The following PPP4R4 variants were observed in gnomAD, a reference collection of about 807,000 sequenced individuals.
PPP4R4 encodes the protein protein phosphatase 4 regulatory subunit 4.
Under a neutral mutation model 121.8 loss-of-function variants are expected in PPP4R4, and 70 were observed. That is an observed-to-expected ratio of 0.57 (90% confidence interval 0.47 to 0.70). The LOEUF (loss-of-function observed/expected upper bound fraction) is 0.70, where lower values mean the gene tolerates loss of function less well. PPP4R4 is among the 30% of genes least tolerant of loss of function. The pLI, the probability that PPP4R4 is intolerant of heterozygous loss-of-function variation, is 0.00. For missense variants in PPP4R4, 875 were observed against 1,033.6 expected (o/e 0.85, Z 2.10); for synonymous variants, 348 against 355.7 (o/e 0.98, Z 0.24).
At chr14:94,211,804 A>G (rs557872466) in intron 3 of PPP4R4, among the ~76,000 whole-genome samples, 2 of 152,168 alleles carry the variant, frequency 1.3e-5, no homozygotes, top group Non-Finnish European at 2.9e-5. Context: ...TCTGAGATAC[A>G]TGGGTTAAGG....
At chr14:94,235,963 T>A (rs375730511) in intron 7 of PPP4R4, among the ~76,000 whole-genome samples, 3 of 152,328 alleles carry the variant, frequency 2.0e-5, no homozygotes, top group African/African-American at 7.2e-5. Flanking sequence ...CAGATTGTGG[T>A]CATTGGTACC....
intron 3 of PPP4R4, among the ~76,000 whole-genome samples, chr14:94,224,860 T>C (rs1159859821): frequency 1.3e-5 from 2 of 152,150 alleles, no homozygotes; most frequent in Non-Finnish European, 2.9e-5. Flanking sequence ...AGAACTGCTA[T>C]TGGAAACATA....
intron 3 of PPP4R4, among the ~76,000 whole-genome samples, chr14:94,213,700 A>G (rs940231549): frequency 6.6e-6 from 1 of 152,214 alleles, no homozygotes; most frequent in African/African-American, 2.4e-5. Context: ...CCACAAGCCA[A>G]GGAATGATAG....
Position 94,199,791 on chromosome 14 carries a change from T to C in PPP4R4, c.192-8673T>C, listed in dbSNP as rs1245956318. ...GCCAGTGCCTGTTATTGTGCTCTTA[T>C]GCGGATGCGCTCCTCTTGACGGCCT... On this transcript the variant is annotated intron_variant, in intron 2 of 24. Transcript: ENST00000304338. Among the ~76,000 whole-genome samples, 4 of 152,228 alleles carry C rather than the reference T, an allele frequency of 2.6e-5. No homozygotes were observed. The East Asian group carries it at 5.8e-4, about 22-fold the overall frequency.
At position 94,243,975 on chromosome 14, in the gene PPP4R4, A is replaced by ATT. The variant is rs5810664; in HGVS notation, c.1267-651_1267-650dup. Among the ~76,000 whole-genome samples the ATT allele has an allele frequency of 2.2e-4, 33 of 149,636 alleles. No individual in the cohort carries two copies. The East Asian group carries it at 3.5e-3, about 16-fold the overall frequency. Reference sequence around the variant, plus strand: ...AAAACACTTTCTTTATCCAGGGACCATTTTTTTTTTCAAATAAAACTTTAT... The same window carrying ATT: ...AAAACACTTTCTTTATCCAGGGACCATTTTTTTTTTTTCAAATAAAACTTTAT... On this transcript the variant is annotated intron_variant, in intron 11 of 24. Coordinates refer to ENST00000304338, the MANE Select transcript of PPP4R4 (RefSeq NM_058237.2).
intron 2 of PPP4R4, among the ~76,000 whole-genome samples, chr14:94,191,210 T>C (rs557049067): frequency 6.6e-6 from 1 of 152,286 alleles, no homozygotes; most frequent in Non-Finnish European, 1.5e-5. Context: ...TGAAATGTGC[T>C]GTGGGGTGTG....
At chr14:94,190,620 T>A (rs1051305712) in intron 2 of PPP4R4, among the ~76,000 whole-genome samples, 2 of 151,944 alleles carry the variant, frequency 1.3e-5, no homozygotes, top group Non-Finnish European at 2.9e-5. Context: ...AATAAATAAA[T>A]AAATAAAATA....
chr14:94,254,227 T>C (rs1314666651), intron 16 of PPP4R4, among the ~76,000 whole-genome samples: 1 of 152,204 alleles, frequency 6.6e-6, no homozygotes, highest in Non-Finnish European at 1.5e-5. Context: ...ATCTGTTTTC[T>C]AGACATGCCT....
chr14:94,229,911 A>G (rs1388606225), intron 3 of PPP4R4, among the ~76,000 whole-genome samples: 1 of 152,218 alleles, frequency 6.6e-6, no homozygotes, highest in East Asian at 1.9e-4. Context: ...GTAGAAAGAT[A>G]GTTTTTTTGA....
intron 19 of PPP4R4, among the ~76,000 whole-genome samples, chr14:94,264,126 A>G (rs1304008127): frequency 3.3e-5 from 5 of 152,040 alleles, no homozygotes; most frequent in Non-Finnish European, 5.9e-5. Context: ...TATACCTATA[A>G]TTTGTGTACT....
At position 94,194,418 on chromosome 14, in the gene PPP4R4, G is replaced by A. The variant is rs1032885167; in HGVS notation, c.192-14046G>A. Reference sequence around the variant, plus strand: ...AACCATGATGATTGTTTCCTGTGCCGGCTTTTCAATAGGAAGTTGTAGATT... The same window carrying A: ...AACCATGATGATTGTTTCCTGTGCCAGCTTTTCAATAGGAAGTTGTAGATT... On this transcript the variant is annotated intron_variant, in intron 2 of 24. Transcript: ENST00000304338. Among the ~76,000 whole-genome samples the A allele has an allele frequency of 5.9e-5, 9 of 152,180 alleles. No individual in the cohort carries two copies. In the East Asian group the frequency reaches 1.5e-3, roughly 26 times the overall value.
intron 2 of PPP4R4, among the ~76,000 whole-genome samples, chr14:94,176,429 A>C (rs973929196): frequency 5.3e-5 from 8 of 152,190 alleles, no homozygotes; most frequent in Admixed American, 3.3e-4. Context: ...CGTAAGATTC[A>C]GTAAGTTTAC....
intron 2 of PPP4R4, among the ~76,000 whole-genome samples, chr14:94,202,858 C>T (rs1595468624): frequency 1.3e-5 from 2 of 152,080 alleles, no homozygotes; most frequent in African/African-American, 2.4e-5. Context: ...TGGCACGTGC[C>T]TGTAATCCCA....
chr14:94,224,856 G>C (rs1052733874), intron 3 of PPP4R4, among the ~76,000 whole-genome samples: 11 of 152,138 alleles, frequency 7.2e-5, no homozygotes, highest in African/African-American at 2.2e-4. Context: ...GTGGAGAACT[G>C]CTATTGGAAA....
At chr14:94,256,859 T>A (rs1404608413) in intron 17 of PPP4R4, among the ~76,000 whole-genome samples, 1 of 152,156 alleles carries the variant, frequency 6.6e-6, no homozygotes, top group African/African-American at 2.4e-5. Flanking sequence ...TGTTAGGTGC[T>A]CAATAAACAC....
intron 2 of PPP4R4, among the ~76,000 whole-genome samples, chr14:94,188,176 C>G (rs1361259142): frequency 6.6e-6 from 1 of 151,774 alleles, no homozygotes; most frequent in African/African-American, 2.4e-5. Flanking sequence ...AATTTTTTTT[C>G]TGTATCTATT....
chr14:94,230,937 A>G (rs1484792093), intron 4 of PPP4R4, among the ~76,000 whole-genome samples: 3 of 152,208 alleles, frequency 2.0e-5, no homozygotes, highest in Non-Finnish European at 2.9e-5. Flanking sequence ...CTGAAGATCC[A>G]TTAATTCATC....
chr14:94,255,532 C>T (rs1262188079), intron 16 of PPP4R4, among the ~76,000 whole-genome samples: 1 of 149,242 alleles, frequency 6.7e-6, no homozygotes, highest in East Asian at 2.0e-4. Flanking sequence ...ACCTGGGAGG[C>T]GGAGCCTGCA....
chr14:94,220,789 A>C (rs1210430442), intron 3 of PPP4R4, among the ~76,000 whole-genome samples: 1 of 152,188 alleles, frequency 6.6e-6, no homozygotes, highest in Non-Finnish European at 1.5e-5. Context: ...AGAAGACTCA[A>C]TATTGTGAAG....
Sources: gnomAD v4.1 joint callset for allele counts (sites outside exome capture counted in the v4.1 genomes callset) on GRCh38, gnomAD v4.1.1 for gene constraint, MANE v1.5 for transcripts, NCBI Gene and HGNC (gene_info 2026-07-23, HGNC 2026-07-21) for gene names.